The following MYO1E variants were observed in gnomAD, a reference collection of about 807,000 sequenced individuals.
MYO1E encodes unconventional myosin-Ie.
In MYO1E, 68 loss-of-function variants were observed where a neutral mutation model predicts 151.1. That is an observed-to-expected ratio of 0.45 (90% CI 0.37 to 0.55). MYO1E has a LOEUF of 0.55. MYO1E is among the 20% of genes least tolerant of loss of function. The pLI is 0.00. For missense variants in MYO1E, 1,363 were observed against 1,389.3 expected (o/e 0.98, Z 0.30); for synonymous variants, 601 against 501.7 (o/e 1.20, Z -2.64).
intron 1 of MYO1E, among the ~76,000 whole-genome samples, chr15:59,360,668 T>G (rs2080880108): frequency 6.6e-6 from 1 of 152,204 alleles, no homozygotes; most frequent in Non-Finnish European, 1.5e-5. Flanking sequence ...AGACAGCAGT[T>G]TTAGAATGAG....
chr15:59,323,888 G>C (rs181059364), intron 1 of MYO1E, among the ~76,000 whole-genome samples: 1 of 152,076 alleles, frequency 6.6e-6, no homozygotes. Context: ...TAGAGCTTGC[G>C]GGATGTGTGT....
intron 4 of MYO1E, among the ~76,000 whole-genome samples, chr15:59,246,318 A>G (rs2080129786): frequency 6.6e-6 from 1 of 152,058 alleles, no homozygotes; most frequent in Non-Finnish European, 1.5e-5. Flanking sequence ...GGGTTTCACC[A>G]TGTTGGCCAG....
rs142114173 is a variant in MYO1E at position 59,335,267 on chromosome 15, G to A, written c.3+37231C>T. 1.2e-3 allele frequency among the ~76,000 whole-genome samples: 184 copies of A among 151,628 alleles called. 4 individuals carry two copies. In the East Asian group the frequency reaches 0.029, roughly 24 times the overall value. ...ATTTGGCACCACTTGGTGGATATAT[G>A]TACTATCCTTGGTATGTAGTAAAAG... On this transcript the variant is annotated intron_variant, in intron 1 of 27. Coordinates refer to ENST00000288235, the MANE Select transcript of MYO1E (RefSeq NM_004998.4).
chr15:59,360,238 C>T (rs181013079), intron 1 of MYO1E, among the ~76,000 whole-genome samples: 154 of 152,236 alleles, frequency 1.0e-3, no homozygotes, highest in Middle Eastern at 3.4e-3. Context: ...TAATCCTACT[C>T]GATTCACGTC....
intron 1 of MYO1E, among the ~76,000 whole-genome samples, chr15:59,337,026 T>TAA (rs10562967): frequency 2.6e-4 from 39 of 150,896 alleles, no homozygotes; most frequent in African/African-American, 9.4e-4. Flanking sequence ...CTCCTAGTTT[T>TAA]AAAAAAAAAA....
chr15:59,244,942 G>C (rs1342563804), intron 4 of MYO1E, among the ~76,000 whole-genome samples: 3 of 152,218 alleles, frequency 2.0e-5, no homozygotes, highest in Non-Finnish European at 4.4e-5. Context: ...AACCAGACTA[G>C]AATGTAAGAT....
intron 1 of MYO1E, among the ~76,000 whole-genome samples, chr15:59,287,548 T>C (rs1257442570): frequency 6.6e-5 from 10 of 152,194 alleles, no homozygotes; most frequent in African/African-American, 1.7e-4. Flanking sequence ...TTGATCAGCT[T>C]AGATCTTTAT....
rs564947483 is a variant in MYO1E at position 59,258,904 on chromosome 15, TG to T, written c.237+2515del. Among the ~76,000 whole-genome samples, 108 of 151,688 alleles carry T rather than the reference TG, an allele frequency of 7.1e-4. 1 individual carries two copies. The highest frequency in any genetic ancestry group is 2.6e-3 in the African/African-American group (108 of 41,456). ...AAACATTTAGATCCAACTTAAAATA[TG>T]TAAGGAGGCAGCTTTAGGCTAAACT... On this transcript the variant is annotated intron_variant, in intron 3 of 27. Coordinates refer to ENST00000288235, the MANE Select transcript of MYO1E (RefSeq NM_004998.4).
chr15:59,269,027 C>G (rs2080274530), intron 2 of MYO1E, among the ~76,000 whole-genome samples: 1 of 152,088 alleles, frequency 6.6e-6, no homozygotes, highest in East Asian at 1.9e-4. Flanking sequence ...ATAATTTGTA[C>G]AACTACTACA....
chr15:59,365,988 T>C (rs553956449), intron 1 of MYO1E, among the ~76,000 whole-genome samples: 1 of 152,274 alleles, frequency 6.6e-6, no homozygotes, highest in African/African-American at 2.4e-5. Context: ...CCCTTCTTTC[T>C]CTCTTTTGAG....
intron 1 of MYO1E, among the ~76,000 whole-genome samples, chr15:59,369,887 A>ACG (rs1210283427): frequency 1.3e-5 from 2 of 152,210 alleles, no homozygotes; most frequent in Non-Finnish European, 2.9e-5. Flanking sequence ...TAAAAGACAC[A>ACG]CGCACACACA....
chr15:59,151,010 GACACACACACACACACACACACACAC>G (rs60541381), intron 26 of MYO1E, among the ~76,000 whole-genome samples: 3 of 141,094 alleles, frequency 2.1e-5, no homozygotes, highest in African/African-American at 8.0e-5. Context: ...AGAGGAGAGG[GACACACACACACACACACACACACAC>G]ACACACACAC....
chr15:59,142,502 G>C (rs1429702449), intron 26 of MYO1E, among the ~76,000 whole-genome samples: 1 of 152,198 alleles, frequency 6.6e-6, no homozygotes, highest in African/African-American at 2.4e-5. Flanking sequence ...ACTAAGACCT[G>C]TTTCTGTCCT....
At chr15:59,253,771 G>A (rs751080613) in intron 4 of MYO1E, among the ~76,000 whole-genome samples, 4 of 151,936 alleles carry the variant, frequency 2.6e-5, no homozygotes, top group East Asian at 1.9e-4. Context: ...CACTCCCGGC[G>A]TCTAATGAAG....
intron 22 of MYO1E, among the ~76,000 whole-genome samples, chr15:59,163,896 G>A (rs568339955): frequency 3.3e-5 from 5 of 152,314 alleles, no homozygotes; most frequent in South Asian, 2.1e-4. Context: ...TCAGAAATGC[G>A]AAGGCCAGAA....
chr15:59,313,327 T>C (rs1398441485), intron 1 of MYO1E, among the ~76,000 whole-genome samples: 1 of 152,094 alleles, frequency 6.6e-6, no homozygotes, highest in African/African-American at 2.4e-5. Flanking sequence ...GAAGCAACTG[T>C]TAATACGCAT....
At chr15:59,156,761 C>T (rs1354825484) in intron 25 of MYO1E, among the ~76,000 whole-genome samples, 3 of 152,220 alleles carry the variant, frequency 2.0e-5, no homozygotes, top group African/African-American at 7.2e-5. Context: ...TAATACCAAA[C>T]ACTCTGGGAG....
At chr15:59,233,823 G>T (rs1204512620) in intron 5 of MYO1E, among the ~76,000 whole-genome samples, 1 of 150,012 alleles carries the variant, frequency 6.7e-6, no homozygotes, top group Non-Finnish European at 1.5e-5. Context: ...GTCCAATAGG[G>T]AAGCCATAAG....
chr15:59,307,083 G>A (rs1027695248), intron 1 of MYO1E, among the ~76,000 whole-genome samples: 1 of 152,202 alleles, frequency 6.6e-6, no homozygotes. Flanking sequence ...AAATGAAGGA[G>A]AGCACCAAAG....
Sources: allele counts gnomAD v4.1 joint callset (sites outside exome capture counted in the v4.1 genomes callset), GRCh38; gene constraint gnomAD v4.1.1; transcripts MANE v1.5; gene names NCBI Gene and HGNC (gene_info 2026-07-23, HGNC 2026-07-21).